IL1RAPL2: variants seen among roughly 807,000 people sequenced by gnomAD.
IL1RAPL2 encodes interleukin 1 receptor accessory protein like 2, also known as X-linked interleukin-1 receptor accessory protein-like 2.
IL1RAPL2 carries 3 observed loss-of-function variants against 44.1 expected under a neutral mutation model. The ratio of observed to expected loss-of-function variants is 0.07; its 90% CI spans 0.03 to 0.18. IL1RAPL2 has a LOEUF of 0.18. Ranked by LOEUF, IL1RAPL2 falls within the 10% of genes least tolerant of loss-of-function variation. The pLI, the probability that IL1RAPL2 is intolerant of heterozygous loss-of-function variation, is 1.00. For missense variants in IL1RAPL2, 391 were observed against 496.4 expected, an observed-to-expected ratio of 0.79 and a Z score of 2.02; for synonymous variants, 181 against 178.8, an observed-to-expected ratio of 1.01 and a Z score of -0.10.
intron 2 of IL1RAPL2, among the ~76,000 whole-genome samples, chrX:104,953,380 A>G (rs951083655): frequency 3.6e-5 from 4 of 112,180 alleles, no homozygotes; most frequent in African/African-American, 1.3e-4. Context: ...CTCTATAAAC[A>G]TATATTTGGA....
At chrX:104,652,681 C>G (rs1240822154) in intron 1 of IL1RAPL2, among the ~76,000 whole-genome samples, 2 of 111,536 alleles carry the variant, frequency 1.8e-5, no homozygotes, top group Non-Finnish European at 3.8e-5. Flanking sequence ...TTGCTATTTA[C>G]TGTGTTCTGT....
At chrX:104,876,708 A>G (rs939572891) in intron 2 of IL1RAPL2, among the ~76,000 whole-genome samples, 16 of 68,661 alleles carry the variant, frequency 2.3e-4, no homozygotes, top group African/African-American at 6.9e-4. Context: ...TTTTCTCTGT[A>G]ACAATTTCTT....
At chrX:105,733,576 A>G (rs2038422285) in intron 7 of IL1RAPL2, among the ~76,000 whole-genome samples, 1 of 110,338 alleles carries the variant, frequency 9.1e-6, no homozygotes, top group Admixed American at 9.7e-5. Context: ...TTTGAATTTC[A>G]GTTTAGGAGG....
chrX:104,984,564 C>T (rs2030525124), intron 2 of IL1RAPL2, among the ~76,000 whole-genome samples: 1 of 111,904 alleles, frequency 8.9e-6, no homozygotes, highest in Admixed American at 9.5e-5. Flanking sequence ...CAGAGCAGGT[C>T]ATATGGAGTA....
intron 2 of IL1RAPL2, among the ~76,000 whole-genome samples, chrX:104,679,701 G>A (rs1161189866): frequency 8.9e-6 from 1 of 111,739 alleles, no homozygotes; most frequent in African/African-American, 3.3e-5. Context: ...CTTGGTAAGA[G>A]CTTTGTCTGC....
chrX:105,180,379 A>C (rs2033519599), intron 2 of IL1RAPL2, among the ~76,000 whole-genome samples: 1 of 111,372 alleles, frequency 9.0e-6, no homozygotes, highest in South Asian at 3.8e-4. Context: ...AAAGAAAAAA[A>C]GAAAAAAGTG....
At chrX:105,276,119 A>T (rs2034483496) in intron 5 of IL1RAPL2, among the ~76,000 whole-genome samples, 1 of 112,700 alleles carries the variant, frequency 8.9e-6, no homozygotes, top group Admixed American at 9.4e-5. Context: ...ACAATACTCA[A>T]ATGCGGCCAG....
intron 2 of IL1RAPL2, among the ~76,000 whole-genome samples, chrX:104,728,704 A>G (rs1602700410): frequency 1.8e-5 from 2 of 111,336 alleles, no homozygotes. Context: ...AACAGGAACA[A>G]TTAGATGCTA....
chrX:105,508,915 A>G (rs2036450572), intron 6 of IL1RAPL2, among the ~76,000 whole-genome samples: 1 of 111,888 alleles, frequency 8.9e-6, no homozygotes, highest in Non-Finnish European at 1.9e-5. Context: ...GACAAACAAT[A>G]AGATCCCTGC....
intron 2 of IL1RAPL2, among the ~76,000 whole-genome samples, chrX:105,051,624 G>A (rs775377628): frequency 6.2e-5 from 7 of 113,085 alleles, no homozygotes; most frequent in African/African-American, 1.9e-4. Flanking sequence ...CTGCAGCCAC[G>A]GTTTGGGCGA....
chrX:104,780,885 A>G (rs1190730448), intron 2 of IL1RAPL2, among the ~76,000 whole-genome samples: 1 of 111,267 alleles, frequency 9.0e-6, no homozygotes, highest in East Asian at 2.8e-4. Flanking sequence ...TATTCTAAGG[A>G]AGCCTATTTG....
intron 2 of IL1RAPL2, among the ~76,000 whole-genome samples, chrX:104,998,632 G>A (rs1038465643): frequency 1.0e-4 from 11 of 110,074 alleles, no homozygotes; most frequent in Non-Finnish European, 1.9e-4. Flanking sequence ...AATCAACCAG[G>A]CATAGTAGCA....
At chrX:105,015,361 C>G (rs967890285) in intron 2 of IL1RAPL2, among the ~76,000 whole-genome samples, 2 of 110,632 alleles carry the variant, frequency 1.8e-5, no homozygotes, top group African/African-American at 6.6e-5. Context: ...ATACTGCTTT[C>G]GGTGTTTTAG....
chrX:105,199,891 C>T (rs1262661761), intron 3 of IL1RAPL2, among the ~76,000 whole-genome samples: 3 of 111,543 alleles, frequency 2.7e-5, no homozygotes, highest in African/African-American at 9.8e-5. Flanking sequence ...ATCAACCAGG[C>T]TTTTATCAAC....
At position 105,530,488 on chromosome X, in the gene IL1RAPL2, G is replaced by A. The variant is rs370440584; in HGVS notation, c.772+46101G>A. Among the ~76,000 whole-genome samples the A allele has an allele frequency of 7.3e-5, 8 of 108,922 alleles. No homozygotes were observed. In the East Asian group the frequency reaches 1.2e-3, roughly 16 times the overall value. 94.6% of individuals were successfully genotyped at this position (108,922 alleles called of 115,157 possible). A position where few individuals can be genotyped will look rare whatever the true frequency, so the allele number is the denominator to read the frequency against. On this transcript the variant is annotated intron_variant, in intron 6 of 10. Transcript: ENST00000372582. ...TACATAGTAGGTGTATACATCTATGGGGTACATGAGATGCTTTGATACAGG... is the reference window on the plus strand; with the variant it reads ...TACATAGTAGGTGTATACATCTATGAGGTACATGAGATGCTTTGATACAGG...
intron 1 of IL1RAPL2, among the ~76,000 whole-genome samples, chrX:104,620,721 T>C (rs1460796048): frequency 1.0e-5 from 1 of 99,144 alleles, no homozygotes; most frequent in Non-Finnish European, 2.0e-5. Flanking sequence ...TAATAGGTAG[T>C]TGGTTATTTT....
chrX:105,097,350 A>AC (rs1234664081), intron 2 of IL1RAPL2, among the ~76,000 whole-genome samples: 10 of 106,354 alleles, frequency 9.4e-5, no homozygotes, highest in African/African-American at 3.1e-4. Context: ...AAAAAAAAAA[A>AC]AAAACATGCC....
At chrX:104,753,901 A>G (rs1002785815) in intron 2 of IL1RAPL2, among the ~76,000 whole-genome samples, 2 of 111,990 alleles carry the variant, frequency 1.8e-5, no homozygotes, top group South Asian at 3.7e-4. Context: ...TTTCAATTCT[A>G]TGACTTAACA....
rs368625669 is a variant in IL1RAPL2, at chrX:105,767,704, A to T, written c.*43A>T. On this transcript the variant is annotated 3_prime_UTR_variant, in exon 11 of 11. Coordinates refer to ENST00000372582, the MANE Select transcript of IL1RAPL2 (RefSeq NM_017416.2). ...TCTGAACAGCTAGATAAGCATAGAGAATTTCTGTTATACCAAGCATAAAGT... is the reference window on the plus strand; with the variant it reads ...TCTGAACAGCTAGATAAGCATAGAGTATTTCTGTTATACCAAGCATAAAGT... 16 of 938,797 alleles carry T rather than the reference A, an allele frequency of 1.7e-5. No homozygotes were observed. In the African/African-American group the frequency reaches 2.9e-4, roughly 17 times the overall value. 77.4% of individuals were successfully genotyped at this position (938,797 alleles called of 1,213,427 possible).
Sources: allele counts gnomAD v4.1 joint callset (sites outside exome capture counted in the v4.1 genomes callset), GRCh38; gene constraint gnomAD v4.1.1; transcripts MANE v1.5; gene names NCBI Gene and HGNC (gene_info 2026-07-23, HGNC 2026-07-21).